Variants in KCNH7 observed in about 807,000 individuals in gnomAD.
The protein encoded by KCNH7 is potassium voltage-gated channel subfamily H member 7.
In KCNH7, 49 loss-of-function variants were observed where a neutral mutation model predicts 120.8. The observed-to-expected ratio is 0.41, with a 90% CI of 0.32 to 0.51. The LOEUF (loss-of-function observed/expected upper bound fraction) is 0.51, where lower values mean the gene tolerates loss of function less well. KCNH7 is among the 20% of genes least tolerant of loss of function. The probability of loss-of-function intolerance (pLI) is 0.38; values close to 1 mark genes in which losing one functional copy is unlikely to be tolerated. For synonymous variants in KCNH7, 547 were observed against 516.1 expected (o/e 1.06, Z -0.81); for missense variants, 1,097 against 1,446.6 (o/e 0.76, Z 3.92).
chr2:162,707,533 G>A (rs1315512043), intron 2 of KCNH7, among the ~76,000 whole-genome samples: 1 of 152,080 alleles, frequency 6.6e-6, no homozygotes, highest in Non-Finnish European at 1.5e-5. Flanking sequence ...TTATGTTAAA[G>A]AAATATTGAT....
At chr2:162,399,745 G>T (rs928936590) in intron 10 of KCNH7, among the ~76,000 whole-genome samples, 4 of 151,824 alleles carry the variant, frequency 2.6e-5, no homozygotes, top group African/African-American at 9.7e-5. Flanking sequence ...AGGTAAAAAT[G>T]CACAATGAAT....
chr2:162,426,962 T>C (rs548968196), intron 8 of KCNH7, among the ~76,000 whole-genome samples: 1 of 152,138 alleles, frequency 6.6e-6, no homozygotes, highest in African/African-American at 2.4e-5. Context: ...AGTGGAATTA[T>C]AATGTACATA....
intron 6 of KCNH7, among the ~76,000 whole-genome samples, chr2:162,448,695 C>G (rs888630962): frequency 6.6e-6 from 1 of 152,072 alleles, no homozygotes; most frequent in African/African-American, 2.4e-5. Context: ...AAACAGCAAT[C>G]TTGGAACTGT....
chr2:162,473,759 A>G lies in KCNH7; in HGVS notation c.1129-27316T>C, dbSNP rs570581113. Reference sequence around the variant, plus strand: ...ACAATGGCGATACAGTGTGATGAACACCATGATAGAGTTATACATAGGAGC... The same window carrying G: ...ACAATGGCGATACAGTGTGATGAACGCCATGATAGAGTTATACATAGGAGC... On this transcript the variant is annotated intron_variant, in intron 6 of 15. Transcript: ENST00000332142. 3.9e-5 allele frequency among the ~76,000 whole-genome samples: 6 copies of G among 152,358 alleles called. No individual in the cohort carries two copies. The East Asian group carries it at 9.6e-4, about 24-fold the overall frequency.
chr2:162,453,074 G>T (rs755581971), intron 6 of KCNH7, among the ~76,000 whole-genome samples: 17 of 151,626 alleles, frequency 1.1e-4, no homozygotes, highest in Non-Finnish European at 2.4e-4. Context: ...AGCCCCACAT[G>T]CATTAGGTAT....
Position 162,381,059 on chromosome 2 carries a change from A to G in KCNH7, c.2963-1038T>C, listed in dbSNP as rs373251354. Among the ~76,000 whole-genome samples the G allele has an allele frequency of 2.0e-5, 3 of 152,242 alleles. No individual in the cohort carries two copies. In the East Asian group the frequency reaches 5.8e-4, roughly 29 times the overall value. On this transcript the variant is annotated intron_variant, in intron 13 of 15. Coordinates refer to ENST00000332142, the MANE Select transcript of KCNH7 (RefSeq NM_033272.4). ...ACAGGTTGGAAAATGAAACTTATGA[A>G]AAAATACAACTGGAGCTGGGAGTTG...
At chr2:162,672,631 A>G (rs1225089354) in intron 2 of KCNH7, among the ~76,000 whole-genome samples, 1 of 152,058 alleles carries the variant, frequency 6.6e-6, no homozygotes, top group East Asian at 1.9e-4. Context: ...CAGAAAAAAT[A>G]GAAATAATAG....
chr2:162,424,769 T>C (rs1419896100), intron 8 of KCNH7, among the ~76,000 whole-genome samples: 1 of 152,202 alleles, frequency 6.6e-6, no homozygotes, highest in Non-Finnish European at 1.5e-5. Flanking sequence ...GTTATCAAGA[T>C]CCTTATGTAC....
chr2:162,683,619 C>T (rs1438627752), intron 2 of KCNH7, among the ~76,000 whole-genome samples: 1 of 151,798 alleles, frequency 6.6e-6, no homozygotes, highest in East Asian at 1.9e-4. Flanking sequence ...AATAGAAAGA[C>T]CTTCCCTGTG....
chr2:162,695,930 A>G (rs909017293), intron 2 of KCNH7, among the ~76,000 whole-genome samples: 2 of 152,190 alleles, frequency 1.3e-5, no homozygotes, highest in Non-Finnish European at 2.9e-5. Context: ...AACAACAAAA[A>G]AGAAGCTGCA....
In KCNH7 at chr2:162,593,277, A is replaced by G. The variant is rs145157688; in HGVS notation, c.308-56197T>C. Among the ~76,000 whole-genome samples, 124 of 152,178 alleles carry G rather than the reference A, an allele frequency of 8.1e-4. 1 individual carries two copies. Among genetic ancestry groups the G allele is most frequent in the African/African-American group, 2.8e-3 (117 of 41,540 alleles). On this transcript the variant is annotated intron_variant, in intron 2 of 15. Transcript: ENST00000332142. ...ATGTTTAAGAATTTGCTTTGCTTCAATCAAATAGTTCCACTTTTCCTCCTC... is the reference window on the plus strand; with the variant it reads ...ATGTTTAAGAATTTGCTTTGCTTCAGTCAAATAGTTCCACTTTTCCTCCTC...
At chr2:162,498,316 C>CATTTAATTTAATTTAATTTA (rs56162627) in intron 6 of KCNH7, among the ~76,000 whole-genome samples, 5 of 148,482 alleles carry the variant, frequency 3.4e-5, no homozygotes, top group Non-Finnish European at 6.0e-5. Flanking sequence ...GGCCTTGTAG[C>CATTTAATTTAATTTAATTTA]ATTTAATTTA....
At position 162,435,259 on chromosome 2, in the gene KCNH7, C is replaced by T; in HGVS notation, c.1893G>A (p.Gly631=). The T allele has an allele frequency of 1.2e-6, 2 of 1,613,568 alleles. No individual in the cohort carries two copies. The highest frequency in any genetic ancestry group is 1.7e-6 in the Non-Finnish European group (2 of 1,179,734). ...CCGAATTCGTGTTAGGAGACACATT[C>T]CCGAATCCTACACTGGTTAAACTGC... is the stretch of plus-strand genomic sequence containing the variant. ...TFSSLTSVGF[G]NVSPNTNSEK... Residue 631 remains glycine, a synonymous_variant, in exon 8 of 16, where the codon GGG becomes GGA. Transcript: ENST00000332142.
intron 2 of KCNH7, among the ~76,000 whole-genome samples, chr2:162,826,464 TG>T (rs1175393047): frequency 1.3e-5 from 2 of 152,142 alleles, no homozygotes; most frequent in African/African-American, 4.8e-5. Flanking sequence ...AAGAGTGATT[TG>T]TTATGTCTTT....
intron 2 of KCNH7, among the ~76,000 whole-genome samples, chr2:162,778,946 C>CTTTTTTTTTTTTTTTTTT (rs200107249): frequency 1.5e-5 from 2 of 136,492 alleles, no homozygotes; most frequent in African/African-American, 2.7e-5. Context: ...GGAACAAATT[C>CTTTTTTTTTTTTTTTTTT]TTTTTTTTTT....
chr2:162,680,237 T>A (rs539298422), intron 2 of KCNH7, among the ~76,000 whole-genome samples: 1 of 151,688 alleles, frequency 6.6e-6, no homozygotes, highest in South Asian at 2.1e-4. Context: ...TATTTTCACC[T>A]GAGTCAAAGC....
chr2:162,508,765 G>A (rs778291128), intron 5 of KCNH7, among the ~76,000 whole-genome samples: 26 of 151,420 alleles, frequency 1.7e-4, no homozygotes, highest in Non-Finnish European at 2.8e-4. Flanking sequence ...CCTTGGTTGA[G>A]GATTTAAAGG....
intron 8 of KCNH7, among the ~76,000 whole-genome samples, chr2:162,429,933 AT>A (rs576416227): frequency 2.7e-5 from 4 of 146,784 alleles, no homozygotes; most frequent in Admixed American, 6.8e-5. Context: ...ATTTTACTTG[AT>A]TTTTTTTTCC....
chr2:162,594,415 A>G (rs756611732), intron 2 of KCNH7, among the ~76,000 whole-genome samples: 2 of 151,988 alleles, frequency 1.3e-5, no homozygotes, highest in African/African-American at 2.4e-5. Context: ...CTAAATTTAC[A>G]TTTAGAAAAG....
Sources: allele counts gnomAD v4.1 joint callset (sites outside exome capture counted in the v4.1 genomes callset), GRCh38; gene constraint gnomAD v4.1.1; transcripts MANE v1.5; gene names NCBI Gene and HGNC (gene_info 2026-07-23, HGNC 2026-07-21).